The following RBFOX1 variants were observed in gnomAD, a reference collection of about 807,000 sequenced individuals.
The protein encoded by RBFOX1 is RNA binding protein fox-1 homolog 1.
Under a neutral mutation model 57.7 loss-of-function variants are expected in RBFOX1, and 8 were observed. The ratio of observed to expected loss-of-function variants is 0.14; its 90% CI spans 0.08 to 0.25. The LOEUF is 0.25. Among genes scored for constraint, RBFOX1 ranks in the 10% least tolerant of loss-of-function variants. The pLI is 1.00. For missense variants in RBFOX1, 611 were observed against 548.5 expected (o/e 1.11, Z -1.14); for synonymous variants, 326 against 222.4 (o/e 1.47, Z -4.15).
At chr16:7,101,316 T>G (rs758691154) in intron 4 of RBFOX1, among the ~76,000 whole-genome samples, 8 of 152,272 alleles carry the variant, frequency 5.3e-5, no homozygotes, top group South Asian at 2.1e-4. Context: ...CCATTGCGCT[T>G]GGAGAAAATG....
intron 4 of RBFOX1, among the ~76,000 whole-genome samples, chr16:7,150,325 G>A (rs985912525): frequency 6.6e-6 from 1 of 152,118 alleles, no homozygotes; most frequent in Non-Finnish European, 1.5e-5. Flanking sequence ...ATGTCTTCAC[G>A]GTTGTGTCTA....
At chr16:5,378,679 G>T (rs2066053374) in intron 1 of RBFOX1, among the ~76,000 whole-genome samples, 1 of 151,470 alleles carries the variant, frequency 6.6e-6, no homozygotes, top group Admixed American at 6.5e-5. Flanking sequence ...AGAGTTTCTG[G>T]ATCCTGTTCC....
intron 3 of RBFOX1, among the ~76,000 whole-genome samples, chr16:6,680,873 C>T (rs146460218): frequency 1.3e-5 from 2 of 152,270 alleles, no homozygotes; most frequent in Non-Finnish European, 1.5e-5. Context: ...GTTTCAGCTA[C>T]CATGGTGAGC....
chr16:6,593,989 G>C (rs1188016881), intron 2 of RBFOX1, among the ~76,000 whole-genome samples: 1 of 152,138 alleles, frequency 6.6e-6, no homozygotes, highest in African/African-American at 2.4e-5. Context: ...GAAGATTCCA[G>C]CCTCCCTCCG....
At chr16:7,269,404 A>G (rs1309741789) in intron 4 of RBFOX1, among the ~76,000 whole-genome samples, 2 of 152,142 alleles carry the variant, frequency 1.3e-5, no homozygotes, top group Non-Finnish European at 2.9e-5. Flanking sequence ...TCACTTTTTA[A>G]AAACATTTTG....
At chr16:7,074,628 G>A (rs1355450673) in intron 4 of RBFOX1, among the ~76,000 whole-genome samples, 1 of 152,130 alleles carries the variant, frequency 6.6e-6, no homozygotes, top group Non-Finnish European at 1.5e-5. Flanking sequence ...TGAATGGAGA[G>A]AAGAGACAGA....
chr16:7,591,157 T>C (rs1259274746), intron 7 of RBFOX1, among the ~76,000 whole-genome samples: 1 of 152,044 alleles, frequency 6.6e-6, no homozygotes. Flanking sequence ...GCGTAAGAAT[T>C]TCCCAGGGAG....
chr16:7,006,959 A>G (rs536724621), intron 3 of RBFOX1, among the ~76,000 whole-genome samples: 2 of 152,214 alleles, frequency 1.3e-5, no homozygotes, highest in Admixed American at 6.5e-5. Flanking sequence ...TTAGTTTTCT[A>G]CCACTGCCAG....
intron 4 of RBFOX1, among the ~76,000 whole-genome samples, chr16:7,380,646 G>A (rs146800822): frequency 4.6e-5 from 7 of 152,186 alleles, no homozygotes; most frequent in Non-Finnish European, 7.3e-5. Context: ...AGCTCACACC[G>A]CTGATCATCC....
chr16:6,577,248 A>C (rs1388507314), intron 2 of RBFOX1: 1 of 152,224 alleles, frequency 6.6e-6, no homozygotes, highest in Non-Finnish European at 1.5e-5. Context: ...TGTCTGTAAT[A>C]GCATCTAGCA....
At chr16:5,919,628 T>C (rs1424041337) in intron 4 of RBFOX1, among the ~76,000 whole-genome samples, 1 of 152,020 alleles carries the variant, frequency 6.6e-6, no homozygotes, top group Non-Finnish European at 1.5e-5. Context: ...ATGCAAATTT[T>C]ATATAATATA....
intron 3 of RBFOX1, among the ~76,000 whole-genome samples, chr16:6,670,622 A>G (rs146144101): frequency 5.3e-5 from 8 of 152,322 alleles, no homozygotes; most frequent in African/African-American, 1.7e-4. Context: ...ATAATATACC[A>G]ATCTCTATCT....
intron 15 of RBFOX1, chr16:7,709,464 T>G: frequency 6.9e-7 from 1 of 1,439,516 alleles, no homozygotes; most frequent in Non-Finnish European, 9.1e-7. Context: ...TTTTCTTTTT[T>G]TTTCCCTCCC....
intron 4 of RBFOX1, among the ~76,000 whole-genome samples, chr16:7,475,515 C>T (rs989195443): frequency 2.0e-5 from 3 of 151,980 alleles, no homozygotes; most frequent in African/African-American, 7.2e-5. Flanking sequence ...GGCGTTTCAC[C>T]GTGTTAGGCA....
At chr16:6,282,998 G>A (rs980528726) in intron 1 of RBFOX1, among the ~76,000 whole-genome samples, 1 of 152,186 alleles carries the variant, frequency 6.6e-6, no homozygotes, top group African/African-American at 2.4e-5. Flanking sequence ...GTTGCAAAGT[G>A]ACTGAGTCTA....
chr16:5,963,399 A>C lies in RBFOX1; in HGVS notation c.351+96064A>C, dbSNP rs1375005447. ...CGCCAGGTTTAAACCATCAGGTTGT[A>C]CACACAGAAAAAATCCAAAGTTGGC... On this transcript the variant is annotated intron_variant, in intron 4 of 19. Transcript: ENST00000641259. 2.0e-5 allele frequency among the ~76,000 whole-genome samples: 3 copies of C among 152,234 alleles called. No individual in the cohort carries two copies. In the East Asian group the frequency reaches 5.8e-4, roughly 29 times the overall value.
chr16:5,440,046 T>C (rs1020512066), intron 1 of RBFOX1, among the ~76,000 whole-genome samples: 1 of 152,172 alleles, frequency 6.6e-6, no homozygotes, highest in Non-Finnish European at 1.5e-5. Context: ...TTGAATAATA[T>C]GGGGAGATGA....
intron 4 of RBFOX1, among the ~76,000 whole-genome samples, chr16:7,183,807 TTTA>T (rs752222454): frequency 1.2e-4 from 18 of 152,336 alleles, no homozygotes; most frequent in Non-Finnish European, 2.5e-4. Context: ...CAAGGAGCTA[TTTA>T]ATGCCTCCTA....
At position 6,642,498 on chromosome 16, in the gene RBFOX1, C is replaced by T. The variant is rs767759769; in HGVS notation, c.-63-12105C>T. Reference sequence around the variant, plus strand: ...TGTTTAATTGTGCTGAGCCAGCAACCCTCGAGTTACCCGGCCTTTTACCCC... The same window carrying T: ...TGTTTAATTGTGCTGAGCCAGCAACTCTCGAGTTACCCGGCCTTTTACCCC... On this transcript the variant is annotated intron_variant, in intron 2 of 15. Transcript: ENST00000550418. Among the ~76,000 whole-genome samples, 15 of 152,030 alleles carry T rather than the reference C, an allele frequency of 9.9e-5. 1 individual carries two copies. Among genetic ancestry groups the T allele is most frequent in the Non-Finnish European group, 2.2e-4 (15 of 67,982 alleles).
Sources: allele counts gnomAD v4.1 joint callset (sites outside exome capture counted in the v4.1 genomes callset), GRCh38; gene constraint gnomAD v4.1.1; transcripts MANE v1.5; gene names NCBI Gene and HGNC (gene_info 2026-07-23, HGNC 2026-07-21).